Variants in PMS1 observed in about 807,000 individuals in gnomAD.
The protein encoded by PMS1 is PMS1 protein homolog 1.
PMS1 carries 79 observed loss-of-function variants against 93.1 expected under a neutral mutation model. The ratio of observed to expected loss-of-function variants is 0.85; its 90% CI spans 0.71 to 1.02. The LOEUF is 1.02. PMS1 is among the 50% of genes least tolerant of loss of function. The pLI is 0.00. For missense variants in PMS1, 1,064 were observed against 1,085.3 expected (o/e 0.98, Z 0.28); for synonymous variants, 335 against 363.4 (o/e 0.92, Z 0.89).
At chr2:189,848,442 C>T (rs1030315966) in intron 6 of PMS1, among the ~76,000 whole-genome samples, 7 of 152,160 alleles carry the variant, frequency 4.6e-5, no homozygotes, top group African/African-American at 9.7e-5. Flanking sequence ...CATGAGTGAA[C>T]GAGACTATTG....
At position 189,818,118 on chromosome 2, in the gene PMS1, G is replaced by A. The variant is rs1372328007; in HGVS notation, c.520G>A (p.Asp174Asn). 4.4e-6 allele frequency: 7 copies of A among 1,608,778 alleles called. 1 individual carries two copies. The South Asian group carries it at 6.6e-5, about 15-fold the overall frequency. ...KCKDEIKKIQ[D>N]LLMSFGILKP... Reference sequence around the variant, plus strand: ...TAAAGATGAAATAAAAAAGATCCAAGATCTCCTCATGAGCTTTGGTATCCT... The same window carrying A: ...TAAAGATGAAATAAAAAAGATCCAAAATCTCCTCATGAGCTTTGGTATCCT... The change falls in exon 5 of 13, where the codon GAT (aspartate) becomes AAT (asparagine). Residue 174 changes from aspartate to asparagine, a missense_variant. Asp to Asn is a conservative substitution (Grantham distance 23). Coordinates refer to ENST00000441310, the MANE Select transcript of PMS1 (RefSeq NM_000534.5).
intron 5 of PMS1, among the ~76,000 whole-genome samples, chr2:189,838,924 T>G (rs1161219258): frequency 6.6e-6 from 1 of 152,230 alleles, no homozygotes; most frequent in Non-Finnish European, 1.5e-5. Context: ...TTTTTGAATG[T>G]GAACTTTCAG....
intron 4 of PMS1, among the ~76,000 whole-genome samples, chr2:189,807,540 A>T (rs967566086): frequency 6.6e-6 from 1 of 152,156 alleles, no homozygotes; most frequent in African/African-American, 2.4e-5. Flanking sequence ...AACTTAAAGG[A>T]ATTTATTTTT....
intron 3 of PMS1, among the ~76,000 whole-genome samples, chr2:189,803,488 A>T: frequency 6.6e-6 from 1 of 152,130 alleles, no homozygotes; most frequent in Non-Finnish European, 1.5e-5. Context: ...TTCTCTTGAC[A>T]CCACTAGGTT....
At chr2:189,800,790 A>G (rs539070675) in intron 3 of PMS1, among the ~76,000 whole-genome samples, 1 of 152,192 alleles carries the variant, frequency 6.6e-6, no homozygotes, top group Non-Finnish European at 1.5e-5. Context: ...AACAGCCATC[A>G]CCTATAACTC....
rs886055368 is a variant in PMS1 at position 189,863,860 on chromosome 2, C to T, written c.1974C>T (p.Ser658=). ...KDGRKKIKPT[S]AWNLAQKHKL... is the part of the protein sequence containing the mutation. Reference sequence around the variant, plus strand: ...GCAGAAAAAAGATAAAACCCACCAGCGCATGGAATTTGGCCCAGAAGCACA... The same window carrying T: ...GCAGAAAAAAGATAAAACCCACCAGTGCATGGAATTTGGCCCAGAAGCACA... Residue 658 remains serine, a synonymous_variant, in exon 10 of 13, where the codon AGC becomes AGT. Coordinates refer to ENST00000441310, the MANE Select transcript of PMS1 (RefSeq NM_000534.5). 21 of 1,613,814 alleles carry T rather than the reference C, an allele frequency of 1.3e-5. No individual in the cohort carries two copies. Among genetic ancestry groups the T allele is most frequent in the Middle Eastern group, 1.6e-4 (1 of 6,084 alleles).
At chr2:189,806,055 A>G in intron 4 of PMS1, 1 of 696,608 alleles carries the variant, frequency 1.4e-6, no homozygotes, top group Non-Finnish European at 2.2e-6. Flanking sequence ...ATCTTCATAT[A>G]TGAAGAAGAT....
intron 5 of PMS1, among the ~76,000 whole-genome samples, chr2:189,825,131 G>A (rs2052317531): frequency 6.6e-6 from 1 of 152,066 alleles, no homozygotes; most frequent in African/African-American, 2.4e-5. Context: ...TTTTTATGAA[G>A]GTTTAACCTG....
At chr2:189,821,155 A>G (rs115336089) in intron 5 of PMS1, among the ~76,000 whole-genome samples, 423 of 152,332 alleles carry the variant, frequency 2.8e-3, no homozygotes, top group African/African-American at 9.4e-3. Flanking sequence ...TAGGAATTAT[A>G]TATTTGTAAA....
chr2:189,827,803 T>C (rs2052566832), intron 5 of PMS1, among the ~76,000 whole-genome samples: 1 of 151,592 alleles, frequency 6.6e-6, no homozygotes, highest in Admixed American at 6.6e-5. Context: ...GTTGATTTCA[T>C]AGAAATAGAG....
chr2:189,869,377 G>A (rs2056938065), intron 11 of PMS1, among the ~76,000 whole-genome samples: 1 of 152,176 alleles, frequency 6.6e-6, no homozygotes, highest in Non-Finnish European at 1.5e-5. Flanking sequence ...AATATTTCTT[G>A]CTCAGGGTCC....
rs2055114454 is a variant in PMS1 at position 189,854,529 on chromosome 2, T to G, written c.1257T>G (p.Gly419=). 3 of 1,613,596 alleles carry G rather than the reference T, an allele frequency of 1.9e-6. No individual in the cohort carries two copies. The highest frequency in any genetic ancestry group is 1.7e-5 in the Admixed American group (1 of 59,986). ...TAAGTATTGGTGACTTTGGTTATGG[T>G]CATTGTAGTAGTGAAATTTCTAACA... ...HQISIGDFGY[G]HCSSEISNID... is the part of the protein sequence containing the mutation. The change falls in exon 9 of 13, where the codon GGT becomes GGG. Residue 419 remains glycine, a synonymous_variant. Transcript: ENST00000441310.
rs1259422418 is a variant in PMS1, at chr2:189,863,915, A to G, written c.2029A>G (p.Lys677Glu). The G allele has an allele frequency of 1.9e-6, 3 of 1,613,396 alleles. No homozygotes were observed. The South Asian group carries it at 3.3e-5, about 18-fold the overall frequency. The change falls in exon 10 of 13, where the codon AAA becomes GAA. Residue 677 changes from lysine (K) to glutamate (E), a missense_variant. By Grantham distance (56) the Lys-to-Glu change is moderately conservative. Coordinates refer to ENST00000441310, the MANE Select transcript of PMS1 (RefSeq NM_000534.5). ...AAAAACCTCATTATCTAATCAACCA[A>G]AACTTGATGAACTCCTTCAGTCCCA... is the stretch of plus-strand genomic sequence containing the variant. ...KLKTSLSNQPKLDELLQSQIE... is the reference protein window; with the variant it reads ...KLKTSLSNQPELDELLQSQIE...
chr2:189,865,889 C>A (rs2056615409), intron 10 of PMS1, among the ~76,000 whole-genome samples: 1 of 152,030 alleles, frequency 6.6e-6, no homozygotes. Context: ...AAGAATAAAG[C>A]AGAAATCATT....
chr2:189,870,219 T>C (rs2057028973), intron 11 of PMS1, among the ~76,000 whole-genome samples: 1 of 152,206 alleles, frequency 6.6e-6, no homozygotes, highest in South Asian at 2.1e-4. Context: ...TGTGAGAGTA[T>C]TGTATTTTAC....
At chr2:189,817,992 G>A (rs768592727) in intron 4 of PMS1, 25 bp from the exon 5 acceptor site, 7 of 1,571,504 alleles carry the variant, frequency 4.5e-6, no homozygotes, top group Non-Finnish European at 6.1e-6. Flanking sequence ...AAATCTAAAT[G>A]TGCTTTTCTC....
intron 3 of PMS1, among the ~76,000 whole-genome samples, chr2:189,796,170 C>T (rs1282661900): frequency 1.3e-5 from 2 of 152,008 alleles, no homozygotes; most frequent in East Asian, 3.9e-4. Context: ...ACTAGCCTGG[C>T]CAACATGGTG....
chr2:189,832,788 G>T (rs1268588789), intron 5 of PMS1, among the ~76,000 whole-genome samples: 1 of 152,150 alleles, frequency 6.6e-6, no homozygotes, highest in African/African-American at 2.4e-5. Flanking sequence ...TTCAAATATT[G>T]TCGTATTTAC....
chr2:189,786,131 A>G (rs1249447529), intron 1 of PMS1, among the ~76,000 whole-genome samples: 1 of 152,002 alleles, frequency 6.6e-6, no homozygotes, highest in East Asian at 2.0e-4. Context: ...AAAAATAAAA[A>G]ATAAAAAAAG....
Sources: gnomAD v4.1 joint callset for allele counts (sites outside exome capture counted in the v4.1 genomes callset) on GRCh38, gnomAD v4.1.1 for gene constraint, MANE v1.5 for transcripts, NCBI Gene and HGNC (gene_info 2026-07-23, HGNC 2026-07-21) for gene names.